Variants in DNAH1 observed in about 807,000 individuals in gnomAD.
DNAH1 encodes the protein axonemal beta dynein heavy chain 1.
DNAH1 carries 327 observed loss-of-function variants against 484.3 expected under a neutral mutation model. That is an observed-to-expected ratio of 0.68 (90% CI 0.62 to 0.74). DNAH1 has a LOEUF of 0.74. Among genes scored for constraint, DNAH1 ranks in the 30% least tolerant of loss-of-function variants. The pLI is 0.00. For synonymous variants in DNAH1, 2,192 were observed against 2,191.9 expected, an observed-to-expected ratio of 1.00 and a Z score of 0.00; for missense variants, 5,052 against 5,546.8, an observed-to-expected ratio of 0.91 and a Z score of 2.83.
chr3:52,395,101 T>TC lies in DNAH1; in HGVS notation c.10968+46dup, dbSNP rs772520768. ...TGGCAGGACTGGCACCTTGAGCTTG[T>TC]CCCCACCCTGGGTCCCAGGGCCCTG... is the stretch of plus-strand genomic sequence containing the variant. On this transcript the variant is annotated intron_variant, in intron 68 of 77. Coordinates refer to ENST00000420323, the MANE Select transcript of DNAH1 (RefSeq NM_015512.5). This position sits in a 1 kb window ranked among gnomAD's most constrained non-coding sequence, Gnocchi z 4.4. 10 of 1,582,196 alleles carry TC rather than the reference T, an allele frequency of 6.3e-6. 1 individual carries two copies. In the Middle Eastern group the frequency reaches 1.0e-3, roughly 158 times the overall value.
Position 52,362,306 on chromosome 3 carries a change from A to T in DNAH1, c.4981-82A>T. On this transcript the variant is annotated intron_variant, in intron 30 of 77. Transcript: ENST00000420323. The surrounding 1 kb of genome is among the most constrained non-coding windows in gnomAD (Gnocchi z 5.1). Reference sequence around the variant, plus strand: ...AGCTACAGCCAGGACAGGGGCATCAACAGGGGACAAGGGGCCCACTCAGAG... The same window carrying T: ...AGCTACAGCCAGGACAGGGGCATCATCAGGGGACAAGGGGCCCACTCAGAG... 8.5e-7 allele frequency: 1 copy of T among 1,182,456 alleles called. No homozygotes were observed. The allele number at this position is 1,182,456 out of a possible 1,614,324, so 73.2% of individuals were successfully genotyped here. A position where few individuals can be genotyped will look rare whatever the true frequency, so the allele number is the denominator to read the frequency against.
At chr3:52,367,119 G>A (rs532790292) in intron 36 of DNAH1, among the ~76,000 whole-genome samples, 1 of 152,304 alleles carries the variant, frequency 6.6e-6, no homozygotes, top group South Asian at 2.1e-4. Flanking sequence ...TTATGGTAAG[G>A]CAAGAATGAC....
chr3:52,398,215 G>C, intron 75 of DNAH1, 53 bp downstream of exon 75: 1 of 1,552,826 alleles, frequency 6.4e-7, no homozygotes, highest in African/African-American at 1.4e-5. Flanking sequence ...GGACTGTAGA[G>C]AAATGACAAC....
chr3:52,351,905 C>G, intron 16 of DNAH1, 57 bp from the exon 17 acceptor site: 1 of 1,562,796 alleles, frequency 6.4e-7, no homozygotes, highest in South Asian at 1.2e-5. Flanking sequence ...CCTGGTCTTG[C>G]CACTCCACCA....
intron 15 of DNAH1, 50 bp downstream of exon 15, chr3:52,350,158 TAA>T (rs1702314976): frequency 6.3e-7 from 1 of 1,589,770 alleles, no homozygotes; most frequent in Non-Finnish European, 8.6e-7. Context: ...GGGCTGGTGT[TAA>T]GAGTCCGAGG....
intron 11 of DNAH1, among the ~76,000 whole-genome samples, chr3:52,347,341 G>A (rs1166870989): frequency 6.6e-6 from 1 of 152,160 alleles, no homozygotes; most frequent in Non-Finnish European, 1.5e-5. Flanking sequence ...GGAGGGGAGG[G>A]AGGGCTGCTC....
In DNAH1 at chr3:52,345,615, A is replaced by G; in HGVS notation, c.1565A>G (p.Lys522Arg). The change falls in exon 10 of 78, where the codon AAG becomes AGG. Residue 522 changes from lysine to arginine, a missense_variant. Physicochemically the swap from Lys to Arg is conservative, Grantham distance 26. Transcript: ENST00000420323. ...ALSKVRAECN[K>R]VTAMSLFHSS... ...AGCAAGGTGAGGGCCGAGTGCAACA[A>G]GGTGACCGCCATGTCCCTGTTCCAC... The G allele has an allele frequency of 6.2e-7, 1 of 1,608,754 alleles. No homozygotes were observed. The highest frequency in any genetic ancestry group is 8.5e-7 in the Non-Finnish European group (1 of 1,177,446).
intron 1 of DNAH1, among the ~76,000 whole-genome samples, chr3:52,317,650 G>A (rs1170638236): frequency 1.3e-5 from 2 of 152,236 alleles, no homozygotes; most frequent in Non-Finnish European, 2.9e-5. Flanking sequence ...GGGTAATGGA[G>A]CCTAGAAGAG....
In DNAH1 at chr3:52,332,249, C is replaced by T. The variant is rs1217591861; in HGVS notation, c.1141C>T (p.Leu381=). The T allele has an allele frequency of 6.2e-7, 1 of 1,614,030 alleles. No individual in the cohort carries two copies. The highest frequency in any genetic ancestry group is 1.7e-5 in the Admixed American group (1 of 60,022). Residue 381 remains leucine (L), a synonymous_variant, in exon 8 of 78, where the codon CTG becomes TTG. Coordinates refer to ENST00000420323, the MANE Select transcript of DNAH1 (RefSeq NM_015512.5). ...FAQRVVQANA[L]RKNTEALLLY... is the part of the protein sequence containing the mutation. ...ACAACGTGTGGTCCAGGCCAACGCC[C>T]TGCGCAAGAACACGGAAGCACTGCT... is the stretch of plus-strand genomic sequence containing the variant.
chr3:52,382,284 T>C, intron 49 of DNAH1, 36 bp from the exon 50 acceptor site: 3 of 1,613,832 alleles, frequency 1.9e-6, no homozygotes, highest in Middle Eastern at 1.7e-4. Context: ...TGGCCCCAAG[T>C]CCCTGGCATG....
At chr3:52,345,378 ACT>A (rs1702100128) in intron 9 of DNAH1, 115 bp from the exon 10 acceptor site, 1 of 846,104 alleles carries the variant, frequency 1.2e-6, no homozygotes, top group South Asian at 1.8e-5. Context: ...AACGCCAGTC[ACT>A]CTTCAGGGAG....
At position 52,366,474 on chromosome 3, in the gene DNAH1, A is replaced by C. The variant is rs781260729; in HGVS notation, c.5536A>C (p.Ile1846Leu). The C allele has an allele frequency of 1.3e-6, 2 of 1,599,214 alleles. No individual in the cohort carries two copies. The highest frequency in any genetic ancestry group is 2.3e-5 in the South Asian group (2 of 87,912). The part of the protein sequence containing the change: ...KDVEGFLTKC[I>L]QLYETTVVRH... ...TCCCCCAGGCTTCCTGACAAAGTGC[A>C]TCCAGCTCTACGAGACCACGGTGGT... Residue 1846 changes from isoleucine to leucine, a missense_variant, in exon 35 of 78, where the codon ATC (isoleucine) becomes CTC (leucine). By Grantham distance (5) the Ile-to-Leu change is conservative (BLOSUM62 2). Transcript: ENST00000420323.
intron 43 of DNAH1, 145 bp downstream of exon 43, chr3:52,372,532 G>A: frequency 8.4e-7 from 1 of 1,187,600 alleles, no homozygotes; most frequent in Non-Finnish European, 1.2e-6. Context: ...TGGGCCCAGG[G>A]TTCCCTCACA....
chr3:52,395,459 A>G lies in DNAH1; in HGVS notation c.11120A>G (p.Gln3707Arg), dbSNP rs1338847535. The part of the protein sequence containing the change: ...SKKLSAISLG[Q>R]GQGPRAEAMM... ...AAGCTCTCTGCCATCTCCCTGGGCCAGGGGCAGGTCAGGGCTAGGCAGGGA... is the reference window on the plus strand; with the variant it reads ...AAGCTCTCTGCCATCTCCCTGGGCCGGGGGCAGGTCAGGGCTAGGCAGGGA... Residue 3707 changes from glutamine (Q) to arginine (R), a missense_variant, in exon 69 of 78, where the codon CAG becomes CGG. Transcript: ENST00000420323. This position sits in a 1 kb window ranked among gnomAD's most constrained non-coding sequence, Gnocchi z 4.4. The G allele has an allele frequency of 5.0e-6, 8 of 1,613,784 alleles. No individual in the cohort carries two copies. The African/African-American group carries it at 9.3e-5, about 19-fold the overall frequency.
At chr3:52,394,756 A>AG (rs1353836448) in intron 67 of DNAH1, 95 bp downstream of exon 67, 2 of 1,486,228 alleles carry the variant, frequency 1.3e-6, no homozygotes, top group African/African-American at 2.8e-5. Flanking sequence ...GGGGCCACCC[A>AG]GGGTTGCCCT....
At chr3:52,322,821 GGCTCC>G (rs1199006415) in intron 2 of DNAH1, 46 bp downstream of exon 2, 1 of 1,507,510 alleles carries the variant, frequency 6.6e-7, no homozygotes, top group Non-Finnish European at 9.0e-7. Flanking sequence ...CCTTCCTCTG[GGCTCC>G]GTTCACCCAT....
intron 76 of DNAH1, 21 bp downstream of exon 76, chr3:52,399,222 A>T (rs572661115): frequency 6.3e-7 from 1 of 1,582,258 alleles, no homozygotes; most frequent in Middle Eastern, 1.7e-4. Flanking sequence ...AGCCAGGGCC[A>T]GGTCAGGTGA....
At chr3:52,326,638 C>A (rs1222419960) in intron 4 of DNAH1, 97 bp from the exon 5 acceptor site, 3 of 1,449,054 alleles carry the variant, frequency 2.1e-6, no homozygotes, top group African/African-American at 1.4e-5. Context: ...CTCGGCCACA[C>A]CCCTGTCCCC....
rs182751106 is a variant in DNAH1, at chr3:52,322,639, C to G, written c.197C>G (p.Pro66Arg). ...DPKLPHLPLP[P>R]APPTLSDLGQ... Reference sequence around the variant, plus strand: ...AAGCTCCCACATTTACCCCTGCCCCCGGCCCCACCCACACTCTCAGACTTG... The same window carrying G: ...AAGCTCCCACATTTACCCCTGCCCCGGGCCCCACCCACACTCTCAGACTTG... Residue 66 changes from proline (P) to arginine (R), a missense_variant, in exon 2 of 78, where the codon CCG becomes CGG. By Grantham distance (103) the Pro-to-Arg change is moderately radical. Around this residue, in one of 4 missense-constraint regions of DNAH1, gnomAD observed 1,263 missense variants for 1,218.8 expected, o/e 1.04. Coordinates refer to ENST00000420323, the MANE Select transcript of DNAH1 (RefSeq NM_015512.5). 3.1e-6 allele frequency: 5 copies of G among 1,613,704 alleles called. No homozygotes were observed. The East Asian group carries it at 1.1e-4, about 36-fold the overall frequency.
Sources: gnomAD v4.1 joint callset for allele counts (sites outside exome capture counted in the v4.1 genomes callset) on GRCh38, gnomAD v4.1.1 for gene constraint, gnomAD v4.1.1 regional missense constraint, Gnocchi (gnomAD v3.1) non-coding constraint, MANE v1.5 for transcripts, NCBI Gene and HGNC (gene_info 2026-07-23, HGNC 2026-07-21) for gene names.